The following SGCZ variants were observed in gnomAD, a reference collection of about 807,000 sequenced individuals.
The protein encoded by SGCZ is zeta-sarcoglycan.
In SGCZ, 40 loss-of-function variants were observed where a neutral mutation model predicts 41.3. The ratio of observed to expected loss-of-function variants is 0.97; its 90% CI spans 0.75 to 1.26. SGCZ has a LOEUF of 1.26. Among genes scored for constraint, SGCZ ranks in the 50% most tolerant of loss-of-function variants. SGCZ has a pLI of 0.00. For synonymous variants in SGCZ, 206 were observed against 137.5 expected (o/e 1.50, Z -3.49); for missense variants, 552 against 369.8 (o/e 1.49, Z -4.04).
chr8:14,675,691 T>C (rs979260832), intron 1 of SGCZ, among the ~76,000 whole-genome samples: 2 of 152,186 alleles, frequency 1.3e-5, no homozygotes, highest in Non-Finnish European at 2.9e-5. Flanking sequence ...AACACAACTC[T>C]GATTTCCCGT....
At chr8:15,102,957 T>C (rs1039958576) in intron 1 of SGCZ, among the ~76,000 whole-genome samples, 1 of 152,164 alleles carries the variant, frequency 6.6e-6, no homozygotes, top group African/African-American at 2.4e-5. Context: ...CTAAGGAATT[T>C]ACTATTTTTC....
At chr8:14,817,465 C>T (rs1471712081) in intron 1 of SGCZ, among the ~76,000 whole-genome samples, 1 of 152,152 alleles carries the variant, frequency 6.6e-6, no homozygotes, top group Non-Finnish European at 1.5e-5. Flanking sequence ...ACCCTTGCAA[C>T]CTAAGCTGCT....
chr8:15,103,298 G>C, intron 1 of SGCZ, among the ~76,000 whole-genome samples: 1 of 152,080 alleles, frequency 6.6e-6, no homozygotes. Flanking sequence ...CTACTGGGGA[G>C]GCTGAGGCAC....
rs540611960 is a variant in SGCZ at position 14,247,412 on chromosome 8, C to T, written c.337-9733G>A. On this transcript the variant is annotated intron_variant, in intron 3 of 7. Coordinates refer to ENST00000382080, the MANE Select transcript of SGCZ (RefSeq NM_139167.4). ...CTGCAGGGAGCAGTTTTACACATGA[C>T]AGTCCATTTACAGGGAATCTGGGGT... Among the ~76,000 whole-genome samples, 4 of 152,274 alleles carry T rather than the reference C, an allele frequency of 2.6e-5. No individual in the cohort carries two copies. In the East Asian group the frequency reaches 7.7e-4, roughly 29 times the overall value.
At chr8:15,211,316 G>A (rs1340238745) in intron 1 of SGCZ, among the ~76,000 whole-genome samples, 1 of 150,556 alleles carries the variant, frequency 6.6e-6, no homozygotes, top group Non-Finnish European at 1.5e-5. Context: ...TCTCACTCTA[G>A]GGTAGGCTTC....
intron 1 of SGCZ, among the ~76,000 whole-genome samples, chr8:14,583,774 C>T (rs1013400998): frequency 3.0e-4 from 46 of 151,778 alleles, no homozygotes; most frequent in African/African-American, 1.0e-3. Flanking sequence ...AATAAGCATG[C>T]CAATCATCTA....
intron 1 of SGCZ, among the ~76,000 whole-genome samples, chr8:14,878,405 C>A (rs1301135749): frequency 6.6e-6 from 1 of 151,628 alleles, no homozygotes; most frequent in Non-Finnish European, 1.5e-5. Context: ...AGATTGGAGT[C>A]ATTTGGGGAA....
intron 1 of SGCZ, among the ~76,000 whole-genome samples, chr8:15,228,823 A>G (rs1801854410): frequency 1.3e-5 from 2 of 152,208 alleles, no homozygotes; most frequent in Non-Finnish European, 2.9e-5. Flanking sequence ...ATCGTAGACA[A>G]ATGAAGTCAT....
chr8:14,099,066 G>T (rs1801931504), intron 7 of SGCZ, among the ~76,000 whole-genome samples: 1 of 152,144 alleles, frequency 6.6e-6, no homozygotes, highest in African/African-American at 2.4e-5. Flanking sequence ...TTCATATGGA[G>T]TACTTAGAGA....
chr8:14,837,110 A>C (rs1802725870), intron 1 of SGCZ, among the ~76,000 whole-genome samples: 1 of 152,208 alleles, frequency 6.6e-6, no homozygotes, highest in African/African-American at 2.4e-5. Flanking sequence ...TTTGTCACTG[A>C]TAATGCAGCA....
intron 1 of SGCZ, among the ~76,000 whole-genome samples, chr8:14,962,742 T>C (rs1412073994): frequency 1.3e-5 from 2 of 152,212 alleles, no homozygotes; most frequent in Non-Finnish European, 1.5e-5. Context: ...TGCTTAAACA[T>C]GATAAGGATC....
At chr8:15,092,836 T>C (rs896925869) in intron 1 of SGCZ, among the ~76,000 whole-genome samples, 7 of 152,230 alleles carry the variant, frequency 4.6e-5, no homozygotes, top group Non-Finnish European at 1.0e-4. Flanking sequence ...TTCTTGAGAA[T>C]GGAAAAGCTT....
chr8:14,794,064 G>T (rs899122520), intron 1 of SGCZ, among the ~76,000 whole-genome samples: 4 of 152,108 alleles, frequency 2.6e-5, no homozygotes, highest in Non-Finnish European at 5.9e-5. Context: ...AGAAACCACT[G>T]TTCCTCATTA....
At chr8:14,172,202 T>C (rs1464673145) in intron 4 of SGCZ, among the ~76,000 whole-genome samples, 2 of 152,176 alleles carry the variant, frequency 1.3e-5, no homozygotes, top group African/African-American at 2.4e-5. Context: ...ACTTATTTTT[T>C]GTTCATGCCC....
At chr8:14,729,061 G>A (rs959949140) in intron 1 of SGCZ, among the ~76,000 whole-genome samples, 2 of 152,174 alleles carry the variant, frequency 1.3e-5, no homozygotes, top group East Asian at 1.9e-4. Context: ...AAGGAATCCA[G>A]TATTTAAAAT....
chr8:15,146,849 T>C (rs577571895), intron 1 of SGCZ, among the ~76,000 whole-genome samples: 88 of 152,318 alleles, frequency 5.8e-4, no homozygotes, highest in African/African-American at 2.0e-3. Flanking sequence ...AGATCAGTTG[T>C]TTAGGCTATC....
intron 5 of SGCZ, among the ~76,000 whole-genome samples, chr8:14,139,444 A>G (rs1182775764): frequency 1.3e-5 from 2 of 152,210 alleles, no homozygotes; most frequent in Non-Finnish European, 2.9e-5. Flanking sequence ...GTAGACTGCT[A>G]GCAAGACTAA....
intron 2 of SGCZ, among the ~76,000 whole-genome samples, chr8:14,465,605 G>C (rs1801026666): frequency 1.3e-5 from 2 of 150,870 alleles, no homozygotes; most frequent in Admixed American, 6.6e-5. Flanking sequence ...CTTTTATGTT[G>C]ATTTTCTGAA....
At chr8:14,306,598 G>A (rs1585343105) in intron 3 of SGCZ, among the ~76,000 whole-genome samples, 1 of 152,090 alleles carries the variant, frequency 6.6e-6, no homozygotes, top group South Asian at 2.1e-4. Context: ...AAAACAATAT[G>A]CCTGAAACAA....
Sources: gnomAD v4.1 joint callset for allele counts (sites outside exome capture counted in the v4.1 genomes callset) on GRCh38, gnomAD v4.1.1 for gene constraint, MANE v1.5 for transcripts, NCBI Gene and HGNC (gene_info 2026-07-23, HGNC 2026-07-21) for gene names.